The following MCC variants were observed in gnomAD, a reference collection of about 807,000 sequenced individuals.
The protein encoded by MCC is MCC regulator of Wnt signaling pathway.
In MCC, 90 loss-of-function variants were observed where a neutral mutation model predicts 116.2. The observed-to-expected ratio is 0.77, with a 90% CI of 0.65 to 0.92. The LOEUF is 0.92. Ranked by LOEUF, MCC falls within the 40% of genes least tolerant of loss-of-function variation. The pLI, the probability that MCC is intolerant of heterozygous loss-of-function variation, is 0.00. For synonymous variants in MCC, 578 were observed against 510.5 expected (o/e 1.13, Z -1.78); for missense variants, 1,516 against 1,312.2 (o/e 1.16, Z -2.40).
chr5:113,082,784 C>A, intron 11 of MCC, 76 bp downstream of exon 11: 1 of 1,557,508 alleles, frequency 6.4e-7, no homozygotes, highest in Non-Finnish European at 8.7e-7. Context: ...CCACCTTGAA[C>A]AGATCTTTGG....
At position 113,143,290 on chromosome 5, in the gene MCC, C is replaced by A. The variant is rs770396327; in HGVS notation, c.812G>T (p.Arg271Leu). 3.7e-6 allele frequency: 6 copies of A among 1,613,722 alleles called. No homozygotes were observed. Among genetic ancestry groups the A allele is most frequent in the African/African-American group, 2.7e-5 (2 of 75,028 alleles). ...QERTTLRYEE[R>L]ITELHSVIAE... ...AATGACGCTGTGGAGCTCTGTGATGCGTTCCTCATAGCGAAGTGTCGTTCG... is the reference window on the plus strand; with the variant it reads ...AATGACGCTGTGGAGCTCTGTGATGAGTTCCTCATAGCGAAGTGTCGTTCG... The change falls in exon 5 of 19, where the codon CGC becomes CTC. Residue 271 changes from arginine to leucine, a missense_variant. By Grantham distance (102) the Arg-to-Leu change is moderately radical (BLOSUM62 -2). Transcript: ENST00000408903.
chr5:113,117,366 C>G (rs1757454275), intron 6 of MCC, among the ~76,000 whole-genome samples: 3 of 152,166 alleles, frequency 2.0e-5, no homozygotes, highest in South Asian at 4.1e-4. Context: ...TCCTCCAAAA[C>G]CTATTCACAC....
At chr5:113,157,504 G>C (rs902989123) in intron 3 of MCC, among the ~76,000 whole-genome samples, 7 of 152,218 alleles carry the variant, frequency 4.6e-5, no homozygotes, top group African/African-American at 1.7e-4. Flanking sequence ...GCCCTATCTA[G>C]ATACATGCAC....
chr5:113,345,991 A>C (rs1768123696), intron 2 of MCC, among the ~76,000 whole-genome samples: 1 of 152,254 alleles, frequency 6.6e-6, no homozygotes. Flanking sequence ...AAGGTAACAC[A>C]GAGAAGGAAT....
intron 1 of MCC, among the ~76,000 whole-genome samples, chr5:113,396,934 C>A (rs970961616): frequency 6.6e-5 from 10 of 152,094 alleles, no homozygotes; most frequent in African/African-American, 1.9e-4. Context: ...CTGGCAGATA[C>A]AGTATTCAGT....
At chr5:113,279,882 A>G (rs541943241) in intron 3 of MCC, among the ~76,000 whole-genome samples, 1 of 152,366 alleles carries the variant, frequency 6.6e-6, no homozygotes, top group East Asian at 1.9e-4. Context: ...TTTGAAATGC[A>G]TAAAGGGAAT....
intron 3 of MCC, among the ~76,000 whole-genome samples, chr5:113,158,650 T>C (rs75260279): frequency 0.036 from 5,518 of 152,326 alleles, 135 homozygotes; most frequent in African/African-American, 0.06. Flanking sequence ...CTGTGAGATA[T>C]ATGTTATTAC....
chr5:113,262,630 G>C (rs1280610749), intron 3 of MCC, among the ~76,000 whole-genome samples: 1 of 152,186 alleles, frequency 6.6e-6, no homozygotes, highest in Non-Finnish European at 1.5e-5. Context: ...AGAGGCCAAA[G>C]ATAAAGTAAC....
At chr5:113,349,750 T>G (rs1340969540) in intron 2 of MCC, among the ~76,000 whole-genome samples, 2 of 152,008 alleles carry the variant, frequency 1.3e-5, no homozygotes, top group Non-Finnish European at 2.9e-5. Flanking sequence ...AGAAGTCAAA[T>G]TATCCTAGTT....
At chr5:113,287,528 T>C (rs926198409) in intron 3 of MCC, among the ~76,000 whole-genome samples, 1 of 152,098 alleles carries the variant, frequency 6.6e-6, no homozygotes, top group African/African-American at 2.4e-5. Context: ...AGTTTCACCA[T>C]CTTGGCCAGG....
intron 1 of MCC, among the ~76,000 whole-genome samples, chr5:113,458,899 G>C (rs533086550): frequency 6.6e-6 from 1 of 152,278 alleles, no homozygotes; most frequent in Admixed American, 6.5e-5. Context: ...AACTCACCTA[G>C]AGCAAAGGTT....
At chr5:113,180,112 G>A (rs1031192792) in intron 3 of MCC, among the ~76,000 whole-genome samples, 6 of 152,110 alleles carry the variant, frequency 3.9e-5, no homozygotes, top group Admixed American at 2.0e-4. Context: ...GGAAGGGGTC[G>A]CCTGCCTGGT....
chr5:113,412,835 A>T (rs255866), intron 1 of MCC, among the ~76,000 whole-genome samples: 69,146 of 151,972 alleles, frequency 0.45, 17,654 homozygotes, highest in African/African-American at 0.69. Context: ...AGAGAGGACA[A>T]CACAGTGTTG....
At position 113,053,951 on chromosome 5, in the gene MCC, C is replaced by T. The variant is rs1752651488; in HGVS notation, c.2222G>A (p.Ser741Asn). ...LSSNSHTSTT[S>N]STASSCDTEF... ...GGTGTCGCAACTACTGGCTGTGGAGCTGGTTGTGCTGAGAAAGAAGAAAAA... is the reference window on the plus strand; with the variant it reads ...GGTGTCGCAACTACTGGCTGTGGAGTTGGTTGTGCTGAGAAAGAAGAAAAA... The change falls in exon 15 of 19, where the codon AGC becomes AAC. Residue 741 changes from serine (S) to asparagine (N), a missense_variant. By Grantham distance (46) the Ser-to-Asn change is conservative. Transcript: ENST00000408903. The T allele has an allele frequency of 6.2e-7, 1 of 1,609,286 alleles. No individual in the cohort carries two copies.
chr5:113,130,993 G>T (rs1468702041), intron 5 of MCC, among the ~76,000 whole-genome samples: 1 of 152,164 alleles, frequency 6.6e-6, no homozygotes, highest in Non-Finnish European at 1.5e-5. Flanking sequence ...CATCACAATA[G>T]GGGCTAGGGC....
intron 5 of MCC, among the ~76,000 whole-genome samples, chr5:113,130,572 A>G (rs368093677): frequency 7.9e-5 from 12 of 152,268 alleles, no homozygotes; most frequent in African/African-American, 1.9e-4. Context: ...TTCACCCCCA[A>G]TATTGGAGAT....
intron 6 of MCC, among the ~76,000 whole-genome samples, chr5:113,105,695 A>G (rs943271225): frequency 6.6e-6 from 1 of 152,148 alleles, no homozygotes; most frequent in Non-Finnish European, 1.5e-5. Flanking sequence ...TACTGACACC[A>G]TCCTGCTCTA....
intron 11 of MCC, among the ~76,000 whole-genome samples, chr5:113,077,472 C>A (rs1318374468): frequency 2.0e-5 from 3 of 152,194 alleles, no homozygotes; most frequent in South Asian, 4.1e-4. Flanking sequence ...GAACACAGTG[C>A]AATCAAACTA....
At chr5:113,165,207 G>A (rs1760704828) in intron 3 of MCC, among the ~76,000 whole-genome samples, 1 of 152,204 alleles carries the variant, frequency 6.6e-6, no homozygotes, top group Non-Finnish European at 1.5e-5. Flanking sequence ...AGTCTAGCTT[G>A]ACAGCGCTCC....
Sources: allele counts gnomAD v4.1 joint callset (sites outside exome capture counted in the v4.1 genomes callset), GRCh38; gene constraint gnomAD v4.1.1; transcripts MANE v1.5; gene names NCBI Gene and HGNC (gene_info 2026-07-23, HGNC 2026-07-21).